The following GRM7 variants were observed in gnomAD, a reference collection of about 807,000 sequenced individuals.
GRM7 encodes metabotropic glutamate receptor 7.
GRM7 carries 35 observed loss-of-function variants against 84.5 expected under a neutral mutation model. That is an observed-to-expected ratio of 0.41 (90% CI 0.32 to 0.55). The LOEUF (loss-of-function observed/expected upper bound fraction) is 0.55, where lower values mean the gene tolerates loss of function less well. Ranked by LOEUF, GRM7 falls within the 20% of genes least tolerant of loss-of-function variation. GRM7 has a pLI of 0.19. For missense variants in GRM7, 1,003 were observed against 1,194.6 expected, an observed-to-expected ratio of 0.84 and a Z score of 2.36; for synonymous variants, 487 against 455.1, an observed-to-expected ratio of 1.07 and a Z score of -0.89.
intron 1 of GRM7, among the ~76,000 whole-genome samples, chr3:6,976,716 C>G (rs115510585): frequency 0.017 from 2,550 of 152,104 alleles, 68 homozygotes; most frequent in African/African-American, 0.058. Flanking sequence ...ATTATTTGAC[C>G]AGAATTTTTG....
intron 7 of GRM7, among the ~76,000 whole-genome samples, chr3:7,507,528 C>G (rs1437517437): frequency 6.6e-6 from 1 of 152,188 alleles, no homozygotes; most frequent in Non-Finnish European, 1.5e-5. Flanking sequence ...ATAAGGTATG[C>G]AAGCTAATTA....
chr3:7,311,596 C>CTTT (rs1162667301), intron 4 of GRM7, among the ~76,000 whole-genome samples: 2 of 101,084 alleles, frequency 2.0e-5, no homozygotes, highest in African/African-American at 1.3e-4. Context: ...TGTTTCAATA[C>CTTT]ATTTTTTTTT....
chr3:6,927,160 G>T (rs1253894105), intron 1 of GRM7, among the ~76,000 whole-genome samples: 1 of 152,140 alleles, frequency 6.6e-6, no homozygotes, highest in Non-Finnish European at 1.5e-5. Context: ...GGGCATGGTG[G>T]CTCATTCCTG....
rs143717065 is a variant in GRM7, at chr3:7,160,854, G to A, written c.736+14186G>A. ...ATTTCCCTTGTAATGCTCAGCATCC[G>A]TATCCTGTTTGATTGCAAACTTGCT... On this transcript the variant is annotated intron_variant, in intron 2 of 9. Coordinates refer to ENST00000357716, the MANE Select transcript of GRM7 (RefSeq NM_000844.4). Among the ~76,000 whole-genome samples, 11 of 152,112 alleles carry A rather than the reference G, an allele frequency of 7.2e-5. No homozygotes were observed. The South Asian group carries it at 1.5e-3, about 20-fold the overall frequency.
chr3:7,434,802 C>G (rs1045854223), intron 5 of GRM7, among the ~76,000 whole-genome samples: 1 of 151,836 alleles, frequency 6.6e-6, no homozygotes, highest in African/African-American at 2.4e-5. Context: ...ATGCTGGACA[C>G]AAAAAAATGA....
At chr3:7,432,716 T>A (rs1264184596) in intron 5 of GRM7, among the ~76,000 whole-genome samples, 2 of 152,058 alleles carry the variant, frequency 1.3e-5, no homozygotes, top group Non-Finnish European at 2.9e-5. Flanking sequence ...CCTACCAATG[T>A]GTTCTATCAA....
intron 1 of GRM7, among the ~76,000 whole-genome samples, chr3:7,011,168 G>A (rs879326281): frequency 2.6e-5 from 4 of 152,124 alleles, no homozygotes; most frequent in Non-Finnish European, 4.4e-5. Flanking sequence ...TAAATAATTT[G>A]TGAAATTGTT....
intron 7 of GRM7, among the ~76,000 whole-genome samples, chr3:7,497,700 G>A (rs1168603449): frequency 3.3e-5 from 5 of 152,052 alleles, no homozygotes; most frequent in Non-Finnish European, 7.4e-5. Flanking sequence ...CTCACTCTTG[G>A]TATCTCTAAG....
chr3:7,583,091 A>T (rs1308213071), intron 8 of GRM7, among the ~76,000 whole-genome samples: 2 of 152,232 alleles, frequency 1.3e-5, no homozygotes, highest in Non-Finnish European at 1.5e-5. Context: ...CCAGGAGATC[A>T]GAAAGACACT....
At chr3:7,325,920 C>A (rs548194029) in intron 4 of GRM7, among the ~76,000 whole-genome samples, 1 of 151,984 alleles carries the variant, frequency 6.6e-6, no homozygotes, top group Non-Finnish European at 1.5e-5. Flanking sequence ...AGATCATGAG[C>A]GAGAAACAGC....
intron 4 of GRM7, among the ~76,000 whole-genome samples, chr3:7,400,722 G>A (rs1035943298): frequency 6.6e-6 from 1 of 152,024 alleles, no homozygotes; most frequent in Non-Finnish European, 1.5e-5. Flanking sequence ...ACTTTCATAG[G>A]CTATCTTTGA....
intron 1 of GRM7, among the ~76,000 whole-genome samples, chr3:6,922,003 ATTC>A (rs1222608951): frequency 3.9e-5 from 6 of 152,198 alleles, no homozygotes; most frequent in African/African-American, 1.4e-4. Flanking sequence ...AAAGATCACA[ATTC>A]TTCTTCCAGG....
intron 5 of GRM7, among the ~76,000 whole-genome samples, chr3:7,421,365 G>C (rs1696385909): frequency 6.6e-6 from 1 of 152,084 alleles, no homozygotes; most frequent in African/African-American, 2.4e-5. Context: ...ATTGTAATAG[G>C]TACAAATCTC....
At chr3:6,954,954 C>G (rs142984012) in intron 1 of GRM7, among the ~76,000 whole-genome samples, 1 of 152,098 alleles carries the variant, frequency 6.6e-6, no homozygotes, top group African/African-American at 2.4e-5. Flanking sequence ...AGTATTCTCA[C>G]CAATAAAGTG....
At chr3:7,353,427 G>A (rs1378956366) in intron 4 of GRM7, among the ~76,000 whole-genome samples, 1 of 152,070 alleles carries the variant, frequency 6.6e-6, no homozygotes, top group Non-Finnish European at 1.5e-5. Context: ...CAGTGTTGCA[G>A]CCGGGGAAGT....
intron 1 of GRM7, among the ~76,000 whole-genome samples, chr3:6,868,567 G>A (rs1277760609): frequency 6.6e-6 from 1 of 152,232 alleles, no homozygotes; most frequent in Non-Finnish European, 1.5e-5. Context: ...GAGAAAAGAT[G>A]TTTCATCTTG....
At chr3:6,902,926 A>G (rs559381592) in intron 1 of GRM7, among the ~76,000 whole-genome samples, 319 of 151,890 alleles carry the variant, frequency 2.1e-3, no homozygotes, top group African/African-American at 7.3e-3. Flanking sequence ...AACTTTTTAT[A>G]TGTTTTGGAT....
intron 4 of GRM7, among the ~76,000 whole-genome samples, chr3:7,405,392 A>G (rs1038096742): frequency 4.6e-5 from 7 of 152,164 alleles, no homozygotes; most frequent in African/African-American, 1.7e-4. Context: ...TTTGGGGTAC[A>G]TAGTGATATT....
chr3:7,066,029 G>C (rs564728300), intron 1 of GRM7, among the ~76,000 whole-genome samples: 1 of 151,746 alleles, frequency 6.6e-6, no homozygotes, highest in Non-Finnish European at 1.5e-5. Context: ...AGCAAAGGCG[G>C]TGCCAAGAGG....
Sources: gnomAD v4.1 joint callset for allele counts (sites outside exome capture counted in the v4.1 genomes callset) on GRCh38, gnomAD v4.1.1 for gene constraint, MANE v1.5 for transcripts, NCBI Gene and HGNC (gene_info 2026-07-23, HGNC 2026-07-21) for gene names.